Variants in TMEM135 observed in about 807,000 individuals in gnomAD.
TMEM135 encodes the protein transmembrane protein 135.
Under a neutral mutation model 60.3 loss-of-function variants are expected in TMEM135, and 30 were observed. The observed-to-expected ratio is 0.50, with a 90% CI of 0.37 to 0.68. The LOEUF (loss-of-function observed/expected upper bound fraction) is 0.68, where lower values mean the gene tolerates loss of function less well. TMEM135 is among the 30% of genes least tolerant of loss of function. TMEM135 has a pLI of 0.00. For missense variants in TMEM135, 468 were observed against 548.8 expected (o/e 0.85, Z 1.47); for synonymous variants, 190 against 186.7 (o/e 1.02, Z -0.14).
In TMEM135 at chr11:87,130,051, C is replaced by A. The variant is rs372631243; in HGVS notation, c.397-27290C>A. Among the ~76,000 whole-genome samples the A allele has an allele frequency of 1.1e-4, 17 of 151,646 alleles. No homozygotes were observed. In the South Asian group the frequency reaches 1.7e-3, roughly 15 times the overall value. ...AAATTGAGGCAAGTTCTTCAGTGGG[C>A]TTCTAGATTTCTTAGGATACAAGTA... is the stretch of plus-strand genomic sequence containing the variant. On this transcript the variant is annotated intron_variant, in intron 4 of 14. Coordinates refer to ENST00000305494, the MANE Select transcript of TMEM135 (RefSeq NM_022918.4).
chr11:87,084,910 T>C (rs1013303583), intron 3 of TMEM135, among the ~76,000 whole-genome samples: 3 of 152,218 alleles, frequency 2.0e-5, no homozygotes, highest in Non-Finnish European at 4.4e-5. Flanking sequence ...TATGCCATCA[T>C]CTGTTCTAAT....
chr11:87,123,928 C>G (rs151180542), intron 4 of TMEM135, among the ~76,000 whole-genome samples: 113 of 152,286 alleles, frequency 7.4e-4, no homozygotes, highest in Admixed American at 2.7e-3. Flanking sequence ...CTTGCTCAAG[C>G]TTACATAATA....
chr11:87,208,768 AT>A (rs1940295558), intron 5 of TMEM135, among the ~76,000 whole-genome samples: 1 of 152,204 alleles, frequency 6.6e-6, no homozygotes, highest in African/African-American at 2.4e-5. Context: ...TAGTCATCAG[AT>A]TCTCCAAGGT....
chr11:87,053,828 A>G (rs1422418418), intron 1 of TMEM135, among the ~76,000 whole-genome samples: 1 of 152,138 alleles, frequency 6.6e-6, no homozygotes, highest in African/African-American at 2.4e-5. Flanking sequence ...AAACTTTTAA[A>G]TTGCCTTTTA....
At chr11:87,289,435 A>ATTT (rs1942225767) in intron 6 of TMEM135, among the ~76,000 whole-genome samples, 1 of 90,630 alleles carries the variant, frequency 1.1e-5, no homozygotes, top group African/African-American at 4.7e-5. Context: ...ATATCTCCAT[A>ATTT]TCTTTTTTTT....
chr11:87,242,186 A>AT (rs1230585606), intron 6 of TMEM135, among the ~76,000 whole-genome samples: 2 of 151,136 alleles, frequency 1.3e-5, no homozygotes, highest in African/African-American at 2.4e-5. Flanking sequence ...TGAACTCATC[A>AT]TTTTTTATGG....
At chr11:87,224,058 G>A (rs2135359063) in intron 5 of TMEM135, among the ~76,000 whole-genome samples, 1 of 152,296 alleles carries the variant, frequency 6.6e-6, no homozygotes, top group Non-Finnish European at 1.5e-5. Flanking sequence ...CCAGGGAACT[G>A]GTAGATGGCT....
At chr11:87,247,806 C>A (rs1488671364) in intron 6 of TMEM135, among the ~76,000 whole-genome samples, 1 of 152,116 alleles carries the variant, frequency 6.6e-6, no homozygotes, top group Non-Finnish European at 1.5e-5. Context: ...CCTTGTGCTT[C>A]CCAAGTGAGG....
intron 4 of TMEM135, among the ~76,000 whole-genome samples, chr11:87,110,939 G>T (rs973163919): frequency 6.6e-6 from 1 of 152,122 alleles, no homozygotes; most frequent in East Asian, 1.9e-4. Context: ...TACTTGCCTG[G>T]AGCTGACATG....
intron 5 of TMEM135, among the ~76,000 whole-genome samples, chr11:87,204,838 G>A (rs1339229484): frequency 1.3e-5 from 2 of 152,056 alleles, no homozygotes; most frequent in Admixed American, 6.6e-5. Flanking sequence ...GATCTGCACA[G>A]TTCATACTCA....
At chr11:87,316,266 A>ATGTG (rs66886963) in intron 12 of TMEM135, among the ~76,000 whole-genome samples, 7 of 148,954 alleles carry the variant, frequency 4.7e-5, no homozygotes, top group Middle Eastern at 3.5e-3. Context: ...ACCCAAATAT[A>ATGTG]TGTGTGTGTG....
At chr11:87,255,944 G>A (rs1362017340) in intron 6 of TMEM135, among the ~76,000 whole-genome samples, 1 of 152,134 alleles carries the variant, frequency 6.6e-6, no homozygotes, top group Admixed American at 6.6e-5. Flanking sequence ...GAATTTGCTA[G>A]TATATCATCT....
At chr11:87,202,337 A>AT (rs1303882156) in intron 5 of TMEM135, among the ~76,000 whole-genome samples, 1 of 151,866 alleles carries the variant, frequency 6.6e-6, no homozygotes, top group African/African-American at 2.4e-5. Context: ...GTTTTATTTT[A>AT]TTTTTTGAGA....
chr11:87,267,912 G>C (rs922928985), intron 6 of TMEM135, among the ~76,000 whole-genome samples: 21 of 151,982 alleles, frequency 1.4e-4, no homozygotes, highest in African/African-American at 4.8e-4. Flanking sequence ...GAATGGTCTC[G>C]AACTCCTGAC....
chr11:87,286,722 A>G (rs936584351), intron 6 of TMEM135, among the ~76,000 whole-genome samples: 1 of 152,236 alleles, frequency 6.6e-6, no homozygotes, highest in South Asian at 2.1e-4. Context: ...AGGCATTTAA[A>G]TAGGCATCCT....
intron 4 of TMEM135, among the ~76,000 whole-genome samples, chr11:87,110,492 A>G (rs2130154): frequency 0.55 from 83,291 of 151,784 alleles, 23,697 homozygotes; most frequent in East Asian, 0.71. Flanking sequence ...CTGGTTTACC[A>G]TTTAATAGCT....
chr11:87,315,272 T>G (rs1314640153), intron 12 of TMEM135, among the ~76,000 whole-genome samples: 1 of 151,956 alleles, frequency 6.6e-6, no homozygotes. Context: ...GATTGCACCC[T>G]CACTGTTGTT....
intron 4 of TMEM135, among the ~76,000 whole-genome samples, chr11:87,118,266 T>C (rs1857941646): frequency 6.6e-6 from 1 of 152,148 alleles, no homozygotes; most frequent in African/African-American, 2.4e-5. Flanking sequence ...AGTCACCAGT[T>C]GTATGGAAAG....
rs191053955 is a variant in TMEM135, at chr11:87,143,477, A to G, written c.397-13864A>G. ...GGACATTTTATTCTATATATTTCCA[A>G]TTGGTCCTCCAACCTTAAGTTCTGC... is the stretch of plus-strand genomic sequence containing the variant. On this transcript the variant is annotated intron_variant, in intron 4 of 14. Transcript: ENST00000305494. Among the ~76,000 whole-genome samples the G allele has an allele frequency of 3.3e-5, 5 of 151,580 alleles. No individual in the cohort carries two copies. In the East Asian group the frequency reaches 7.8e-4, roughly 24 times the overall value.
Sources: gnomAD v4.1 joint callset for allele counts (sites outside exome capture counted in the v4.1 genomes callset) on GRCh38, gnomAD v4.1.1 for gene constraint, MANE v1.5 for transcripts, NCBI Gene and HGNC (gene_info 2026-07-23, HGNC 2026-07-21) for gene names.